Variants in JPH3 observed in about 807,000 individuals in gnomAD.
The protein encoded by JPH3 is junctophilin 3.
Under a neutral mutation model 59.6 loss-of-function variants are expected in JPH3, and 11 were observed. The observed-to-expected ratio is 0.18, with a 90% CI of 0.12 to 0.31. JPH3 has a LOEUF of 0.31. JPH3 is among the 10% of genes least tolerant of loss of function. JPH3 has a pLI of 1.00. For missense variants in JPH3, 1,202 were observed against 1,105.7 expected (o/e 1.09, Z -1.24); for synonymous variants, 673 against 483.6 (o/e 1.39, Z -5.14).
intron 2 of JPH3, among the ~76,000 whole-genome samples, chr16:87,646,087 A>G (rs1054874171): frequency 6.6e-6 from 1 of 152,292 alleles, no homozygotes; most frequent in East Asian, 1.9e-4. Flanking sequence ...GAGGCTTCCC[A>G]GGGCACGTTC....
chr16:87,696,956 C>T lies in JPH3; in HGVS notation c.*296C>T, dbSNP rs1023118544. 2 of 411,976 alleles carry T rather than the reference C, an allele frequency of 4.9e-6. No homozygotes were observed. Among genetic ancestry groups the T allele is most frequent in the Non-Finnish European group, 9.1e-6 (2 of 220,010 alleles). The allele number at this position is 411,976 out of a possible 1,614,324, so 25.5% of individuals were successfully genotyped here. On this transcript the variant is annotated 3_prime_UTR_variant, in exon 5 of 5. Transcript: ENST00000284262. ...CGTGGAGACAGAAGGGATCCCGGCA[C>T]ATCAGTGGTAACAGCGGACGTTGTC...
At chr16:87,635,928 C>T (rs910929613) in intron 1 of JPH3, among the ~76,000 whole-genome samples, 3 of 152,220 alleles carry the variant, frequency 2.0e-5, no homozygotes, top group East Asian at 1.9e-4. Context: ...GGGCACCCTG[C>T]GAACCCACCT....
intron 1 of JPH3, among the ~76,000 whole-genome samples, chr16:87,637,961 G>T (rs947513127): frequency 4.6e-5 from 7 of 152,296 alleles, no homozygotes; most frequent in Admixed American, 4.6e-4. Flanking sequence ...TTGTTGCCCA[G>T]ACTGGAGTGC....
chr16:87,629,729 C>G (rs1482380746), intron 1 of JPH3, among the ~76,000 whole-genome samples: 1 of 152,098 alleles, frequency 6.6e-6, no homozygotes, highest in Non-Finnish European at 1.5e-5. Flanking sequence ...ATTTGTAGGG[C>G]AGTCATACTA....
intron 4 of JPH3, chr16:87,696,255 C>A (rs913361159): frequency 2.2e-6 from 1 of 464,422 alleles, no homozygotes; most frequent in Non-Finnish European, 4.0e-6. Context: ...GAGACGTTTG[C>A]TTGCAGGGAG....
intron 1 of JPH3, among the ~76,000 whole-genome samples, chr16:87,635,728 G>A (rs1409944742): frequency 3.3e-5 from 5 of 152,194 alleles, no homozygotes; most frequent in African/African-American, 1.2e-4. Context: ...GTTCTAGTCG[G>A]CGTTTCACGG....
intron 4 of JPH3, chr16:87,694,621 G>A (rs1438799513): frequency 6.6e-6 from 1 of 152,648 alleles, no homozygotes; most frequent in Non-Finnish European, 1.5e-5. Context: ...CTGGAGAGCT[G>A]ACTTCATGCG....
chr16:87,608,003 G>A (rs1405454178), intron 1 of JPH3, among the ~76,000 whole-genome samples: 1 of 152,286 alleles, frequency 6.6e-6, no homozygotes, highest in African/African-American at 2.4e-5. Context: ...TGTGGCTGAA[G>A]GGCACCCCTA....
intron 2 of JPH3, among the ~76,000 whole-genome samples, chr16:87,662,595 C>T (rs897782015): frequency 1.3e-5 from 2 of 152,212 alleles, no homozygotes; most frequent in Admixed American, 1.3e-4. Flanking sequence ...CTCTGCCCTC[C>T]TTTCCTGGCC....
At chr16:87,689,141 C>A (rs367749647) in intron 3 of JPH3, among the ~76,000 whole-genome samples, 1 of 152,158 alleles carries the variant, frequency 6.6e-6, no homozygotes, top group Admixed American at 6.5e-5. Context: ...CCTGGGCTCT[C>A]ACGCTGGCCC....
chr16:87,663,491 A>C (rs1439250863), intron 2 of JPH3, among the ~76,000 whole-genome samples: 1 of 152,194 alleles, frequency 6.6e-6, no homozygotes, highest in Non-Finnish European at 1.5e-5. Flanking sequence ...AGCATGATTG[A>C]TATATCAGGG....
intron 2 of JPH3, among the ~76,000 whole-genome samples, chr16:87,668,414 C>T (rs918427928): frequency 6.6e-6 from 1 of 152,202 alleles, no homozygotes; most frequent in African/African-American, 2.4e-5. Context: ...AAATCCTGGC[C>T]CTACTCACGG....
rs934371589 is a variant in JPH3 at position 87,695,184 on chromosome 16, G to A, written c.2167-1396G>A. 11 of 377,576 alleles carry A rather than the reference G, an allele frequency of 2.9e-5. 1 individual carries two copies. Among genetic ancestry groups the A allele is most frequent in the African/African-American group, 8.4e-5 (4 of 47,562 alleles). 23.4% of individuals were successfully genotyped at this position (377,576 alleles called of 1,614,324 possible). A position where few individuals can be genotyped will look rare whatever the true frequency, so the allele number is the denominator to read the frequency against. On this transcript the variant is annotated intron_variant, in intron 4 of 4. Transcript: ENST00000284262. The stretch of plus-strand genomic sequence containing the variant: ...GGGGGAAGGGGGAGGCCCGTTGTTC[G>A]GGCTCCCCTCCTTAATGCAGGCCTG...
chr16:87,639,321 G>A (rs2031861397), intron 1 of JPH3, among the ~76,000 whole-genome samples: 2 of 151,340 alleles, frequency 1.3e-5, no homozygotes, highest in South Asian at 4.2e-4. Flanking sequence ...GTCTGTCTGA[G>A]GCCTCCTAGC....
At chr16:87,624,264 A>G (rs2031287987) in intron 1 of JPH3, among the ~76,000 whole-genome samples, 1 of 152,238 alleles carries the variant, frequency 6.6e-6, no homozygotes, top group Admixed American at 6.5e-5. Context: ...AATCAATTTT[A>G]GAACATTTTC....
At chr16:87,620,500 G>A (rs1303966560) in intron 1 of JPH3, among the ~76,000 whole-genome samples, 1 of 76,500 alleles carries the variant, frequency 1.3e-5, no homozygotes, top group Non-Finnish European at 2.9e-5. Context: ...AGGGGGAGGG[G>A]AAGAAGGAGA....
intron 4 of JPH3, 195 bp from the exon 5 acceptor site, chr16:87,696,385 T>G: frequency 1.7e-6 from 1 of 598,930 alleles, no homozygotes. Flanking sequence ...CAGCTGGGGC[T>G]TCTCTCCCGC....
At chr16:87,682,493 G>A (rs1428691831) in intron 2 of JPH3, among the ~76,000 whole-genome samples, 2 of 152,174 alleles carry the variant, frequency 1.3e-5, no homozygotes, top group Admixed American at 6.5e-5. Flanking sequence ...TTAGTGCCCT[G>A]ATGAAAGAGG....
intron 2 of JPH3, among the ~76,000 whole-genome samples, chr16:87,662,285 GTGTACTC>G (rs1387088584): frequency 2.0e-5 from 3 of 152,146 alleles, no homozygotes; most frequent in African/African-American, 7.2e-5. Context: ...GAGGAACCCG[GTGTACTC>G]TGTCGATGTT....
Sources: allele counts gnomAD v4.1 joint callset (sites outside exome capture counted in the v4.1 genomes callset), GRCh38; gene constraint gnomAD v4.1.1; transcripts MANE v1.5; gene names NCBI Gene and HGNC (gene_info 2026-07-23, HGNC 2026-07-21).